The following KLF15 variants were observed in gnomAD, a reference collection of about 807,000 sequenced individuals.
The protein encoded by KLF15 is KLF transcription factor 15, also known as Krueppel-like factor 15.
In KLF15, 4 loss-of-function variants were observed where a neutral mutation model predicts 24.6. That is an observed-to-expected ratio of 0.16 (90% CI 0.08 to 0.37). The LOEUF (loss-of-function observed/expected upper bound fraction) is 0.37, where lower values mean the gene tolerates loss of function less well. KLF15 is among the 10% of genes least tolerant of loss of function. KLF15 has a pLI of 1.00. For missense variants in KLF15, 496 were observed against 560.6 expected, an observed-to-expected ratio of 0.88 and a Z score of 1.16; for synonymous variants, 246 against 236.3, an observed-to-expected ratio of 1.04 and a Z score of -0.37.
chr3:126,314,414 G>A, the KLF15 span, among the ~76,000 whole-genome samples: 1 of 152,222 alleles, frequency 6.6e-6, no homozygotes, highest in African/African-American at 2.4e-5. Flanking sequence ...ATGCTTGACA[G>A]AGCCTGACTG....
At chr3:126,315,284 A>G in the KLF15 span, among the ~76,000 whole-genome samples, 2 of 152,112 alleles carry the variant, frequency 1.3e-5, no homozygotes, top group Non-Finnish European at 2.9e-5. Flanking sequence ...ACAAGTTCAC[A>G]TTCTGAAGTA....
the KLF15 span, among the ~76,000 whole-genome samples, chr3:126,321,540 G>A: frequency 3.3e-5 from 5 of 152,248 alleles, no homozygotes; most frequent in Non-Finnish European, 7.3e-5. Context: ...AGCAGGACAC[G>A]TTGTGTGGCC....
chr3:126,354,953 C>T (rs373637883), intron 1 of KLF15, among the ~76,000 whole-genome samples: 5 of 152,232 alleles, frequency 3.3e-5, no homozygotes, highest in East Asian at 3.9e-4. Flanking sequence ...CGTGAGCTGA[C>T]GCTCACTAAG....
chr3:126,336,217 C>T, the KLF15 span, among the ~76,000 whole-genome samples: 2,414 of 123,754 alleles, frequency 0.02, 1 homozygote, highest in Non-Finnish European at 0.028. Context: ...GTACTGGTAC[C>T]AAAACAGAGA....
In KLF15 at chr3:126,343,173, C is replaced by CAA. The variant is rs2082495082; in HGVS notation, c.*553_*554insTT. The CAA allele has an allele frequency of 2.0e-5, 1 of 50,434 alleles. No individual in the cohort carries two copies. Among genetic ancestry groups the CAA allele is most frequent in the Non-Finnish European group, 5.3e-5 (1 of 18,706 alleles). The allele number at this position is 50,434 out of a possible 1,614,324, so 3.1% of individuals were successfully genotyped here. A position where few individuals can be genotyped will look rare whatever the true frequency, so the allele number is the denominator to read the frequency against. ...TCCTGCCCCCCCCCCCCCCCCCCCC[C>CAA]CCCCCCGGCTCCAGGGACCTGCCCA... On this transcript the variant is annotated 3_prime_UTR_variant, in exon 3 of 3. Transcript: ENST00000296233.
At chr3:126,295,050 A>G in the KLF15 span, among the ~76,000 whole-genome samples, 1 of 152,232 alleles carries the variant, frequency 6.6e-6, no homozygotes, top group African/African-American at 2.4e-5. Context: ...ATGCACATGC[A>G]TGCACTTATA....
At chr3:126,342,403 G>A (rs939825217), downstream of KLF15, among the ~76,000 whole-genome samples, 5 of 152,172 alleles carry the variant, frequency 3.3e-5, no homozygotes, top group East Asian at 1.9e-4. Flanking sequence ...TTGGGTTTAC[G>A]GAGCTCCAGG....
chr3:126,329,583 C>T, the KLF15 span, among the ~76,000 whole-genome samples: 1 of 152,206 alleles, frequency 6.6e-6, no homozygotes, highest in Non-Finnish European at 1.5e-5. Flanking sequence ...CTCCCCACCT[C>T]TACCACCATT....
chr3:126,320,190 G>A, the KLF15 span, among the ~76,000 whole-genome samples: 102,147 of 152,136 alleles, frequency 0.67, 34,901 homozygotes, highest in African/African-American at 0.8. Flanking sequence ...TGACCACTTT[G>A]GAGGGGCAGG....
chr3:126,317,029 C>T, the KLF15 span, among the ~76,000 whole-genome samples: 123 of 152,222 alleles, frequency 8.1e-4, 1 homozygote, highest in African/African-American at 2.8e-3. Context: ...TCCTGGGAGC[C>T]CCACTGTGAA....
the KLF15 span, among the ~76,000 whole-genome samples, chr3:126,299,883 A>T: frequency 7.9e-5 from 12 of 151,992 alleles, no homozygotes; most frequent in Admixed American, 2.6e-4. Context: ...CACCCTGCAG[A>T]CACCCTGATC....
At chr3:126,326,547 G>A in the KLF15 span, among the ~76,000 whole-genome samples, 105 of 152,322 alleles carry the variant, frequency 6.9e-4, no homozygotes, top group African/African-American at 2.5e-3. Flanking sequence ...GTAGCTGCTG[G>A]GTTTACAGCA....
At chr3:126,315,405 A>G in the KLF15 span, among the ~76,000 whole-genome samples, 1 of 152,174 alleles carries the variant, frequency 6.6e-6, no homozygotes. Flanking sequence ...AAGTGGTAGG[A>G]TGGGCCCAGC....
At chr3:126,314,980 G>C in the KLF15 span, among the ~76,000 whole-genome samples, 1 of 152,164 alleles carries the variant, frequency 6.6e-6, no homozygotes, top group East Asian at 1.9e-4. Context: ...ACAGTTCTGG[G>C]GGAAGGAAGT....
chr3:126,317,455 G>A, the KLF15 span, among the ~76,000 whole-genome samples: 1 of 152,196 alleles, frequency 6.6e-6, no homozygotes, highest in African/African-American at 2.4e-5. Flanking sequence ...AAGATCTCAG[G>A]AGTTGGGCGA....
chr3:126,289,286 C>A, the KLF15 span, among the ~76,000 whole-genome samples: 1 of 152,152 alleles, frequency 6.6e-6, no homozygotes. Context: ...TACTAAGCAG[C>A]AAACAAAACC....
At chr3:126,301,764 G>A in the KLF15 span, among the ~76,000 whole-genome samples, 15 of 151,668 alleles carry the variant, frequency 9.9e-5, no homozygotes, top group South Asian at 1.5e-3. Flanking sequence ...ACAGGCGCCC[G>A]CCACCATGCC....
At chr3:126,296,553 G>C in the KLF15 span, among the ~76,000 whole-genome samples, 5 of 152,232 alleles carry the variant, frequency 3.3e-5, no homozygotes, top group African/African-American at 1.2e-4. Flanking sequence ...TAGCAATTTA[G>C]ATGCCTTGTC....
Position 126,352,957 on chromosome 3 carries a change from A to G in KLF15, c.-25-10T>C. 1 of 1,566,896 alleles carries G rather than the reference A, an allele frequency of 6.4e-7. No homozygotes were observed. The highest frequency in any genetic ancestry group is 8.7e-7 in the Non-Finnish European group (1 of 1,155,124). ...GCCGTGCCGGTGGCGGCTGCAGGAA[A>G]GGAACACAGGAGGCCTGGTCAGAAG... On this transcript the variant is annotated splice_polypyrimidine_tract_variant and intron_variant, in intron 1 of 2. Coordinates refer to ENST00000296233, the MANE Select transcript of KLF15 (RefSeq NM_014079.4).
Sources: allele counts gnomAD v4.1 joint callset (sites outside exome capture counted in the v4.1 genomes callset), GRCh38; gene constraint gnomAD v4.1.1; transcripts MANE v1.5; gene names NCBI Gene and HGNC (gene_info 2026-07-23, HGNC 2026-07-21).